The following DENND4A variants were observed in gnomAD, a reference collection of about 807,000 sequenced individuals.
The protein encoded by DENND4A is C-myc promoter-binding protein.
DENND4A carries 70 observed loss-of-function variants against 199.3 expected under a neutral mutation model. The ratio of observed to expected loss-of-function variants is 0.35; its 90% CI spans 0.29 to 0.43. DENND4A has a LOEUF of 0.43. Among genes scored for constraint, DENND4A ranks in the 20% least tolerant of loss-of-function variants. The pLI is 1.00. For synonymous variants in DENND4A, 686 were observed against 766.9 expected (o/e 0.89, Z 1.74); for missense variants, 1,723 against 2,255.8 (o/e 0.76, Z 4.78).
At chr15:65,780,194 G>A (rs1273402639) in intron 1 of DENND4A, among the ~76,000 whole-genome samples, 1 of 152,086 alleles carries the variant, frequency 6.6e-6, no homozygotes, top group Middle Eastern at 3.2e-3. Flanking sequence ...GCACCACCCC[G>A]CTAGGCCCAT....
intron 23 of DENND4A, among the ~76,000 whole-genome samples, chr15:65,688,178 A>T (rs1389495912): frequency 6.6e-6 from 1 of 152,124 alleles, no homozygotes; most frequent in East Asian, 1.9e-4. Context: ...AACCCATTTG[A>T]TCAGTTTACA....
chr15:65,774,868 CTTTTTTT>C (rs397854207), intron 1 of DENND4A, among the ~76,000 whole-genome samples: 5 of 112,062 alleles, frequency 4.5e-5, no homozygotes. Flanking sequence ...CAAATGTTTA[CTTTTTTT>C]TTTTTTTTTT....
intron 8 of DENND4A, 48 bp from the exon 9 acceptor site, chr15:65,731,748 T>C: frequency 1.6e-6 from 2 of 1,277,252 alleles, no homozygotes; most frequent in Non-Finnish European, 2.2e-6. Flanking sequence ...AGATGAACTT[T>C]AAAACACCAC....
rs907883834 is a variant in DENND4A, at chr15:65,702,815, A to C, written c.2223+58T>G. 3 of 1,486,408 alleles carry C rather than the reference A, an allele frequency of 2.0e-6. No homozygotes were observed. The African/African-American group carries it at 4.2e-5, about 21-fold the overall frequency. 92.1% of individuals were successfully genotyped at this position (1,486,408 alleles called of 1,614,324 possible). On this transcript the variant is annotated intron_variant, in intron 16 of 32. Coordinates refer to ENST00000443035, the MANE Select transcript of DENND4A (RefSeq NM_001320835.1). Reference sequence around the variant, plus strand: ...TGATAAAGCATATTACGGGAGGATAAATATCCAATTTATTTCTTGTTCTAA... The same window carrying C: ...TGATAAAGCATATTACGGGAGGATACATATCCAATTTATTTCTTGTTCTAA...
chr15:65,781,291 C>T (rs1029263658), intron 1 of DENND4A, among the ~76,000 whole-genome samples: 3 of 152,128 alleles, frequency 2.0e-5, no homozygotes, highest in Admixed American at 2.0e-4. Flanking sequence ...GTTTTAATGA[C>T]ATACTAAAAC....
In DENND4A at chr15:65,771,555, G is replaced by A; in HGVS notation, c.-101-10117C>T. On this transcript the variant is annotated intron_variant, in intron 1 of 32. Transcript: ENST00000443035. ...AGGATCAATACAATTATGGGCATCA[G>A]CTGGATAAACACAGAAAAACCTCCA... The A allele has an allele frequency of 3.7e-6, 6 of 1,612,392 alleles. No individual in the cohort carries two copies. In the South Asian group the frequency reaches 5.5e-5, roughly 15 times the overall value.
At chr15:65,749,610 T>G in intron 4 of DENND4A, among the ~76,000 whole-genome samples, 1 of 151,846 alleles carries the variant, frequency 6.6e-6, no homozygotes. Flanking sequence ...AATAATATAT[T>G]TAATACACTG....
intron 2 of DENND4A, among the ~76,000 whole-genome samples, chr15:65,757,569 C>CG (rs2076740718): frequency 6.6e-6 from 1 of 152,000 alleles, no homozygotes; most frequent in Non-Finnish European, 1.5e-5. Context: ...GGGAGGGTAG[C>CG]GGGGGAGTCT....
chr15:65,784,918 C>T (rs989113951), intron 1 of DENND4A, among the ~76,000 whole-genome samples: 8 of 152,076 alleles, frequency 5.3e-5, no homozygotes, highest in South Asian at 2.1e-4. Context: ...GAGCCTGAGG[C>T]GGGCAGATCA....
chr15:65,720,522 C>T (rs1296567407), intron 12 of DENND4A, among the ~76,000 whole-genome samples: 1 of 151,800 alleles, frequency 6.6e-6, no homozygotes, highest in Non-Finnish European at 1.5e-5. Flanking sequence ...AGCTATTCTC[C>T]AGCCTCAGCC....
At chr15:65,791,461 A>AC (rs1453471008) in intron 1 of DENND4A, among the ~76,000 whole-genome samples, 185 of 123,044 alleles carry the variant, frequency 1.5e-3, no homozygotes, top group African/African-American at 3.0e-3. Flanking sequence ...CCCACCACAC[A>AC]CCCCCCCAAA....
intron 23 of DENND4A, among the ~76,000 whole-genome samples, chr15:65,684,691 A>C (rs62014385): frequency 6.6e-6 from 1 of 152,002 alleles, no homozygotes; most frequent in Non-Finnish European, 1.5e-5. Flanking sequence ...TGGATCACAA[A>C]AGTCTTCAAT....
intron 15 of DENND4A, among the ~76,000 whole-genome samples, chr15:65,705,206 T>G (rs958215872): frequency 6.6e-6 from 1 of 152,144 alleles, no homozygotes; most frequent in African/African-American, 2.4e-5. Flanking sequence ...TCACACCACT[T>G]TTTCATCTGT....
chr15:65,729,126 T>G lies in DENND4A; in HGVS notation c.1433A>C (p.Tyr478Ser). The change falls in exon 11 of 33, where the codon TAT (tyrosine) becomes TCT (serine). Residue 478 changes from tyrosine (Y) to serine (S), a missense_variant. By Grantham distance (144) the Tyr-to-Ser change is moderately radical. Coordinates refer to ENST00000443035, the MANE Select transcript of DENND4A (RefSeq NM_001320835.1). ...VGIDSRYFDLYDPPPDVSCVD... is the reference protein window; with the variant it reads ...VGIDSRYFDLSDPPPDVSCVD... ...ACAACTGACATCTGGTGGAGGATCA[T>G]AGAGATCAAAGTATCTTGAATCAAT... 6.3e-7 allele frequency: 1 copy of G among 1,593,532 alleles called. No homozygotes were observed. Among genetic ancestry groups the G allele is most frequent in the Middle Eastern group, 1.7e-4 (1 of 6,034 alleles).
At chr15:65,704,731 C>T (rs1462177369) in intron 15 of DENND4A, among the ~76,000 whole-genome samples, 1 of 152,086 alleles carries the variant, frequency 6.6e-6, no homozygotes, top group African/African-American at 2.4e-5. Flanking sequence ...GCTGGGATTA[C>T]AGGCACCTGC....
At chr15:65,750,395 T>G (rs529030716) in intron 4 of DENND4A, among the ~76,000 whole-genome samples, 4 of 152,276 alleles carry the variant, frequency 2.6e-5, no homozygotes, top group African/African-American at 9.6e-5. Flanking sequence ...ATGCTCACTA[T>G]CTGGGTGATG....
chr15:65,702,001 G>T, intron 17 of DENND4A, 111 bp from the exon 18 acceptor site: 1 of 1,454,092 alleles, frequency 6.9e-7, no homozygotes, highest in Non-Finnish European at 9.5e-7. Context: ...AGTGGCTCAT[G>T]CCTGTAATTC....
intron 14 of DENND4A, among the ~76,000 whole-genome samples, chr15:65,713,537 T>C (rs1469375779): frequency 6.6e-6 from 1 of 152,186 alleles, no homozygotes; most frequent in Non-Finnish European, 1.5e-5. Context: ...TGTGGGAAGG[T>C]CCTTAATAAC....
chr15:65,703,235 G>C (rs1177681455), intron 15 of DENND4A, among the ~76,000 whole-genome samples: 2 of 152,124 alleles, frequency 1.3e-5, no homozygotes, highest in Non-Finnish European at 2.9e-5. Context: ...GTTAGTTTTT[G>C]AGGAAAAGGG....
Sources: gnomAD v4.1 joint callset for allele counts (sites outside exome capture counted in the v4.1 genomes callset) on GRCh38, gnomAD v4.1.1 for gene constraint, MANE v1.5 for transcripts, NCBI Gene and HGNC (gene_info 2026-07-23, HGNC 2026-07-21) for gene names.